PTDSS1: variants seen among roughly 807,000 people sequenced by gnomAD.
The protein encoded by PTDSS1 is phosphatidylserine synthase 1, also known as PSS-1.
PTDSS1 carries 45 observed loss-of-function variants against 70.5 expected under a neutral mutation model. The ratio of observed to expected loss-of-function variants is 0.64; its 90% CI spans 0.50 to 0.82. The LOEUF (loss-of-function observed/expected upper bound fraction) is 0.82. PTDSS1 is among the 40% of genes least tolerant of loss of function. PTDSS1 has a pLI of 0.00. For missense variants in PTDSS1, 417 were observed against 586.1 expected, an observed-to-expected ratio of 0.71 and a Z score of 2.98; for synonymous variants, 188 against 203.8, an observed-to-expected ratio of 0.92 and a Z score of 0.66.
chr8:96,320,491 C>A, intron 10 of PTDSS1, 146 bp downstream of exon 10: 1 of 723,406 alleles, frequency 1.4e-6, no homozygotes, highest in Non-Finnish European at 2.3e-6. Flanking sequence ...CTGAGACTGG[C>A]CACCAGCCTA....
chr8:96,332,123 A>G (rs1401390945), intron 12 of PTDSS1, among the ~76,000 whole-genome samples: 1 of 150,702 alleles, frequency 6.6e-6, no homozygotes, highest in East Asian at 2.0e-4. Context: ...GAGGCAGGGC[A>G]GTGTAAGAGA....
intron 2 of PTDSS1, among the ~76,000 whole-genome samples, chr8:96,275,444 A>T (rs956033386): frequency 3.3e-5 from 5 of 152,178 alleles, no homozygotes; most frequent in Admixed American, 2.6e-4. Flanking sequence ...TCCTGCTATC[A>T]AATTTACTGA....
intron 6 of PTDSS1, among the ~76,000 whole-genome samples, chr8:96,301,973 G>C (rs1360297038): frequency 1.3e-5 from 2 of 152,080 alleles, no homozygotes; most frequent in African/African-American, 2.4e-5. Flanking sequence ...TTTGGTCACT[G>C]ACTTGCAAGG....
rs1481464689 is a variant in PTDSS1 at position 96,333,846 on chromosome 8, G to A, written c.*280G>A. On this transcript the variant is annotated 3_prime_UTR_variant, in exon 13 of 13. Coordinates refer to ENST00000517309, the MANE Select transcript of PTDSS1 (RefSeq NM_014754.3). ...GCAGCGCGGTGTGTTGAAGGGAAAC[G>A]GTAGCTATTCATTCACAGTTGCCAA... The A allele has an allele frequency of 3.1e-6, 2 of 652,720 alleles. No individual in the cohort carries two copies. The highest frequency in any genetic ancestry group is 2.4e-4 in the Middle Eastern group (1 of 4,086). 40.4% of individuals were successfully genotyped at this position (652,720 alleles called of 1,614,324 possible). A position where few individuals can be genotyped will look rare whatever the true frequency, so the allele number is the denominator to read the frequency against.
chr8:96,294,665 C>T (rs1342473226), intron 4 of PTDSS1, among the ~76,000 whole-genome samples: 1 of 151,944 alleles, frequency 6.6e-6, no homozygotes, highest in African/African-American at 2.4e-5. Context: ...CATTATGACA[C>T]GTTAAAAAAA....
chr8:96,296,719 C>G (rs1810981282), intron 5 of PTDSS1, among the ~76,000 whole-genome samples: 1 of 152,238 alleles, frequency 6.6e-6, no homozygotes, highest in South Asian at 2.1e-4. Context: ...CATATAGGTT[C>G]TCACTGTACA....
chr8:96,287,083 T>G lies in PTDSS1; in HGVS notation c.378T>G (p.Val126=), dbSNP rs375669093. The G allele has an allele frequency of 8.7e-6, 14 of 1,614,046 alleles. No individual in the cohort carries two copies. The highest frequency in any genetic ancestry group is 9.3e-6 in the Non-Finnish European group (11 of 1,179,896). ...TACTCTTCCTGAATTTCGAGCAGGT[T>G]AAATCTCTAATGTATTGGCTAGATC... is the stretch of plus-strand genomic sequence containing the variant. The part of the protein sequence containing the change: ...VFLLFLNFEQ[V]KSLMYWLDPN... The change falls in exon 4 of 13, where the codon GTT becomes GTG. Residue 126 remains valine, a synonymous_variant. Transcript: ENST00000517309.
At chr8:96,318,718 C>A (rs1251766032) in intron 9 of PTDSS1, among the ~76,000 whole-genome samples, 1 of 152,074 alleles carries the variant, frequency 6.6e-6, no homozygotes, top group Non-Finnish European at 1.5e-5. Context: ...AAAAGACAGC[C>A]CCAGACTCTC....
At chr8:96,329,977 C>T (rs1279308730) in intron 10 of PTDSS1, among the ~76,000 whole-genome samples, 1 of 152,190 alleles carries the variant, frequency 6.6e-6, no homozygotes. Flanking sequence ...GTCTTTCTTG[C>T]TTTCTGATAG....
chr8:96,309,705 C>A (rs1311431880), intron 9 of PTDSS1, 83 bp downstream of exon 9: 1 of 1,339,890 alleles, frequency 7.5e-7, no homozygotes, highest in Non-Finnish European at 1.1e-6. Context: ...GTGTTAAGAG[C>A]CTTTCAGTAT....
Position 96,333,655 on chromosome 8 carries a change from G to T in PTDSS1, c.*89G>T. ...TGGAACTCCCCGTGAGGAGGTCGAG[G>T]CGCACAGGGCAAGCAGGAAGAGGCG... On this transcript the variant is annotated 3_prime_UTR_variant, in exon 13 of 13. Coordinates refer to ENST00000517309, the MANE Select transcript of PTDSS1 (RefSeq NM_014754.3). 8.0e-7 allele frequency: 1 copy of T among 1,257,164 alleles called. No homozygotes were observed. The highest frequency in any genetic ancestry group is 1.2e-6 in the Non-Finnish European group (1 of 859,060). 77.9% of individuals were successfully genotyped at this position (1,257,164 alleles called of 1,614,324 possible). A position where few individuals can be genotyped will look rare whatever the true frequency, so the allele number is the denominator to read the frequency against.
chr8:96,274,273 A>G (rs1182519072), intron 2 of PTDSS1, among the ~76,000 whole-genome samples: 1 of 152,062 alleles, frequency 6.6e-6, no homozygotes, highest in Non-Finnish European at 1.5e-5. Flanking sequence ...GTAACCGCTC[A>G]TGCTATTCAG....
chr8:96,282,552 AT>A (rs1810753944), intron 2 of PTDSS1, among the ~76,000 whole-genome samples: 1 of 152,222 alleles, frequency 6.6e-6, no homozygotes, highest in Non-Finnish European at 1.5e-5. Flanking sequence ...ATGCATTTGG[AT>A]AAAGCAGAGT....
chr8:96,322,052 C>A (rs1811379226), intron 10 of PTDSS1, among the ~76,000 whole-genome samples: 1 of 152,086 alleles, frequency 6.6e-6, no homozygotes, highest in Non-Finnish European at 1.5e-5. Context: ...GTGCCCTCTT[C>A]ACCGGGTACC....
chr8:96,289,956 T>TGATAATGCA (rs1157072145), intron 4 of PTDSS1, among the ~76,000 whole-genome samples: 3 of 152,186 alleles, frequency 2.0e-5, no homozygotes, highest in African/African-American at 7.2e-5. Flanking sequence ...ATAATGCAGA[T>TGATAATGCA]GACGGTTATG....
At chr8:96,270,183 A>G (rs750787403) in intron 1 of PTDSS1, among the ~76,000 whole-genome samples, 11 of 152,152 alleles carry the variant, frequency 7.2e-5, no homozygotes, top group Non-Finnish European at 7.4e-5. Flanking sequence ...TATCAGTAAA[A>G]TGCAGATTAT....
At chr8:96,326,205 C>A (rs926790522) in intron 10 of PTDSS1, among the ~76,000 whole-genome samples, 1 of 151,678 alleles carries the variant, frequency 6.6e-6, no homozygotes, top group Non-Finnish European at 1.5e-5. Flanking sequence ...AAAGACTTTC[C>A]CTGCCTTATC....
chr8:96,319,586 T>C (rs1015367763), intron 9 of PTDSS1, among the ~76,000 whole-genome samples: 3 of 152,130 alleles, frequency 2.0e-5, no homozygotes, highest in Non-Finnish European at 4.4e-5. Context: ...CGGGGGCTAT[T>C]TCATCTGGAA....
intron 4 of PTDSS1, among the ~76,000 whole-genome samples, chr8:96,290,550 G>A (rs943937987): frequency 5.9e-5 from 9 of 152,152 alleles, no homozygotes; most frequent in African/African-American, 1.9e-4. Context: ...AGTAAAGCAC[G>A]AGGCTGTGTT....
Sources: gnomAD v4.1 joint callset for allele counts (sites outside exome capture counted in the v4.1 genomes callset) on GRCh38, gnomAD v4.1.1 for gene constraint, MANE v1.5 for transcripts, NCBI Gene and HGNC (gene_info 2026-07-23, HGNC 2026-07-21) for gene names.